RAB38: variants seen among roughly 807,000 people sequenced by gnomAD.
The protein encoded by RAB38 is ras-related protein Rab-38.
A neutral mutation model predicts 18.4 loss-of-function variants in RAB38; 15 were observed. The observed-to-expected ratio is 0.82, with a 90% confidence interval of 0.55 to 1.26. The LOEUF (loss-of-function observed/expected upper bound fraction) is 1.26, where lower values mean the gene tolerates loss of function less well. Among genes scored for constraint, RAB38 ranks in the 50% most tolerant of loss-of-function variants. The pLI is 0.00. For synonymous variants in RAB38, 101 were observed against 104.4 expected, an observed-to-expected ratio of 0.97 and a Z score of 0.20; for missense variants, 294 against 267.4, an observed-to-expected ratio of 1.10 and a Z score of -0.69.
Position 88,113,840 on chromosome 11 carries a change from TTC to T in RAB38, c.*146_*147del, listed in dbSNP as rs886392894. 1.4e-5 allele frequency: 12 copies of T among 875,424 alleles called. No individual in the cohort carries two copies. Among genetic ancestry groups the T allele is most frequent in the Non-Finnish European group, 2.1e-5 (12 of 565,574 alleles). 54.2% of individuals were successfully genotyped at this position (875,424 alleles called of 1,614,324 possible). A position where few individuals can be genotyped will look rare whatever the true frequency, so the allele number is the denominator to read the frequency against. On this transcript the variant is annotated 3_prime_UTR_variant, in exon 3 of 3. Coordinates refer to ENST00000243662, the MANE Select transcript of RAB38 (RefSeq NM_022337.3). ...AAAGCATAGAAAGAACATTTGCTAT[TTC>T]TCTCTCACTGAAAAAACAGAGGCAT...
chr11:87,952,130 G>A, the RAB38 span, among the ~76,000 whole-genome samples: 1 of 152,070 alleles, frequency 6.6e-6, no homozygotes, highest in African/African-American at 2.4e-5. Context: ...GGTCATTCCT[G>A]CCTGGCACCA....
At chr11:87,957,768 G>A in the RAB38 span, among the ~76,000 whole-genome samples, 1 of 152,040 alleles carries the variant, frequency 6.6e-6, no homozygotes, top group Admixed American at 6.6e-5. Context: ...AAAAATTCTT[G>A]ACACATCTTG....
chr11:88,023,938 ACTTC>A, the RAB38 span, among the ~76,000 whole-genome samples: 1 of 152,300 alleles, frequency 6.6e-6, no homozygotes, highest in South Asian at 2.1e-4. Flanking sequence ...AAACTATGAA[ACTTC>A]TGTGAGAAAA....
intron 2 of RAB38, among the ~76,000 whole-genome samples, chr11:88,140,633 A>G (rs1165577136): frequency 6.6e-6 from 1 of 152,206 alleles, no homozygotes; most frequent in African/African-American, 2.4e-5. Flanking sequence ...AGGAAGAGTG[A>G]GAGACAGGTG....
chr11:88,055,055 G>C, the RAB38 span, among the ~76,000 whole-genome samples: 2,962 of 152,052 alleles, frequency 0.019, 114 homozygotes, highest in South Asian at 0.059. Context: ...CTTAACACTG[G>C]CTATTGAGAA....
chr11:87,938,679 A>C, the RAB38 span, among the ~76,000 whole-genome samples: 40 of 148,810 alleles, frequency 2.7e-4, 1 homozygote, highest in African/African-American at 8.7e-4. Flanking sequence ...CCAGAAAAAA[A>C]AAAAACCACA....
Position 88,170,121 on chromosome 11 carries a change from C to G in RAB38, c.202+5062G>C, listed in dbSNP as rs114864011. Among the ~76,000 whole-genome samples the G allele has an allele frequency of 2.7e-3, 411 of 152,330 alleles. 2 individuals carry two copies. Among genetic ancestry groups the G allele is most frequent in the African/African-American group, 8.9e-3 (370 of 41,570 alleles). ...CTAAAACCCAGATGACACGACATGT[C>G]CTGCCTTGAGGCGTTTTCTCCATAT... On this transcript the variant is annotated intron_variant, in intron 1 of 2. Coordinates refer to ENST00000243662, the MANE Select transcript of RAB38 (RefSeq NM_022337.3).
chr11:87,847,291 T>G, the RAB38 span, among the ~76,000 whole-genome samples: 2 of 152,056 alleles, frequency 1.3e-5, no homozygotes, highest in African/African-American at 4.8e-5. Context: ...ATCAACAGTA[T>G]CAGTAATGAA....
the RAB38 span, among the ~76,000 whole-genome samples, chr11:88,027,970 G>A: frequency 6.6e-6 from 1 of 152,196 alleles, no homozygotes; most frequent in Non-Finnish European, 1.5e-5. Flanking sequence ...CTAACTGGGA[G>A]GCACCCCCCA....
the RAB38 span, among the ~76,000 whole-genome samples, chr11:87,914,256 A>G: frequency 3.9e-5 from 6 of 152,156 alleles, no homozygotes; most frequent in Non-Finnish European, 7.4e-5. Context: ...TGATAGAAAC[A>G]TAGACAGTAA....
At chr11:87,882,221 G>A in the RAB38 span, among the ~76,000 whole-genome samples, 3 of 151,804 alleles carry the variant, frequency 2.0e-5, no homozygotes, top group African/African-American at 4.8e-5. Context: ...AGCAAAATAA[G>A]TTCTTTCTAT....
the RAB38 span, among the ~76,000 whole-genome samples, chr11:88,038,643 A>G: frequency 1.3e-5 from 2 of 152,130 alleles, no homozygotes; most frequent in South Asian, 4.1e-4. Context: ...ATTTTCTGTA[A>G]ACTCATTTGG....
the RAB38 span, among the ~76,000 whole-genome samples, chr11:87,812,807 A>C: frequency 3.3e-5 from 5 of 152,186 alleles, no homozygotes; most frequent in African/African-American, 1.2e-4. Flanking sequence ...ACTGTGAAGG[A>C]ATTTAGGTCA....
At chr11:88,078,564 C>A in the RAB38 span, among the ~76,000 whole-genome samples, 10 of 150,990 alleles carry the variant, frequency 6.6e-5, no homozygotes, top group East Asian at 1.9e-3. Context: ...AAAATCTTAT[C>A]ATTTGCAGCA....
chr11:87,846,426 G>C, the RAB38 span, among the ~76,000 whole-genome samples: 1 of 151,950 alleles, frequency 6.6e-6, no homozygotes, highest in African/African-American at 2.4e-5. Context: ...CAAATAGTAA[G>C]CATAAGAAGG....
the RAB38 span, among the ~76,000 whole-genome samples, chr11:88,065,560 A>G: frequency 6.6e-6 from 1 of 152,220 alleles, no homozygotes; most frequent in African/African-American, 2.4e-5. Context: ...GAGTTAGAGC[A>G]TTTCATAGTA....
At position 88,149,127 on chromosome 11, in the gene RAB38, A is replaced by T. The variant is rs1481580093; in HGVS notation, c.483+548T>A. ...CTGCCACTTTTCTGCCATCCAGGGG[A>T]AACAGCATGGCCAAGCTATGCTGTG... On this transcript the variant is annotated intron_variant, in intron 2 of 2. Coordinates refer to ENST00000243662, the MANE Select transcript of RAB38 (RefSeq NM_022337.3). Among the ~76,000 whole-genome samples, 4 of 152,158 alleles carry T rather than the reference A, an allele frequency of 2.6e-5. No homozygotes were observed. In the East Asian group the frequency reaches 7.7e-4, roughly 29 times the overall value.
chr11:87,912,070 A>G, the RAB38 span, among the ~76,000 whole-genome samples: 9 of 151,898 alleles, frequency 5.9e-5, no homozygotes, highest in African/African-American at 2.2e-4. Flanking sequence ...GGTCATGATG[A>G]ATTAACCATA....
At chr11:87,956,991 G>GA in the RAB38 span, among the ~76,000 whole-genome samples, 1 of 149,170 alleles carries the variant, frequency 6.7e-6, no homozygotes, top group Non-Finnish European at 1.5e-5. Flanking sequence ...TTTGGGGGGG[G>GA]GTCCTTGAGT....
Sources: allele counts gnomAD v4.1 joint callset (sites outside exome capture counted in the v4.1 genomes callset), GRCh38; gene constraint gnomAD v4.1.1; transcripts MANE v1.5; gene names NCBI Gene and HGNC (gene_info 2026-07-23, HGNC 2026-07-21).